Variants in C15orf40 observed in about 807,000 individuals in gnomAD.
C15orf40 encodes chromosome 15 open reading frame 40, also known as UPF0235 protein C15orf40.
A neutral mutation model predicts 13.9 loss-of-function variants in C15orf40; 9 were observed. That is an observed-to-expected ratio of 0.65 (90% CI 0.39 to 1.13). The LOEUF (loss-of-function observed/expected upper bound fraction) is 1.13. Ranked by LOEUF, C15orf40 falls within the 50% of genes most tolerant of loss-of-function variation. The probability of loss-of-function intolerance (pLI) is 0.01; values close to 1 mark genes in which losing one functional copy is unlikely to be tolerated. For missense variants in C15orf40, 225 were observed against 188.5 expected (o/e 1.19, Z -1.13); for synonymous variants, 95 against 69.2 (o/e 1.37, Z -1.85).
At chr15:82,992,377 A>T (rs2030898796), downstream of C15orf40, among the ~76,000 whole-genome samples, 1 of 152,090 alleles carries the variant, frequency 6.6e-6, no homozygotes, top group African/African-American at 2.4e-5. Context: ...TTAGCCAGGC[A>T]TGGTGGCGGA....
At chr15:83,006,983 T>C (rs2031721892) in intron 3 of C15orf40, among the ~76,000 whole-genome samples, 3 of 152,178 alleles carry the variant, frequency 2.0e-5, no homozygotes. Flanking sequence ...TGTTAATCAA[T>C]GACTGTGAAT....
At chr15:82,991,586 C>A (rs1480937130), downstream of C15orf40, among the ~76,000 whole-genome samples, 1 of 152,100 alleles carries the variant, frequency 6.6e-6, no homozygotes, top group Non-Finnish European at 1.5e-5. Context: ...ATTTTTAATG[C>A]CTTCTCTCTT....
rs1006749061 is a variant in C15orf40, at chr15:83,008,666, G to C, written c.248C>G (p.Ala83Gly). ...TGCAATAGCTACATTTACAGCCTCT[G>C]CTGTCAAATCTGGAATGAAAATAGT... is the stretch of plus-strand genomic sequence containing the variant. ...SKQNAVTDLT[A>G]EAVNVAIAAP... Residue 83 changes from alanine to glycine, a missense_variant, in exon 3 of 4, where the codon GCA (alanine) becomes GGA (glycine). By Grantham distance (60) the Ala-to-Gly change is moderately conservative (BLOSUM62 0). Coordinates refer to ENST00000304177, the MANE Select transcript of C15orf40 (RefSeq NM_144597.3). The C allele has an allele frequency of 1.2e-6, 2 of 1,604,296 alleles. No individual in the cohort carries two copies. Among genetic ancestry groups the C allele is most frequent in the South Asian group, 1.1e-5 (1 of 88,890 alleles).
Position 83,008,606 on chromosome 15 carries a change from A to G in C15orf40, c.308T>C (p.Leu103Pro), listed in dbSNP as rs2031827832. The change falls in exon 3 of 4, where the codon CTC (leucine) becomes CCC (proline). Residue 103 changes from leucine (L) to proline (P), a missense_variant. By Grantham distance (98) the Leu-to-Pro change is moderately conservative (BLOSUM62 -3). Coordinates refer to ENST00000304177, the MANE Select transcript of C15orf40 (RefSeq NM_144597.3). ...TAGGACCTTGGAAAGATACCGACAG[A>G]GCTCAGCATTAGCCTCTCCCTCTGA... ...PPSEGEANAELCRYLSKVLEL... is the reference protein window; with the variant it reads ...PPSEGEANAEPCRYLSKVLEL... 6.2e-7 allele frequency: 1 copy of G among 1,614,072 alleles called. No homozygotes were observed. The highest frequency in any genetic ancestry group is 1.1e-5 in the South Asian group (1 of 91,070).
rs1331027790 is a variant in C15orf40, at chr15:83,001,193, C to T, written c.*4404G>A. Reference sequence around the variant, plus strand: ...TAACCGAGAGGAAAGTGTGGAATGGCTCACAGAAATCAGAAGTCTGAAATC... The same window carrying T: ...TAACCGAGAGGAAAGTGTGGAATGGTTCACAGAAATCAGAAGTCTGAAATC... On this transcript the variant is annotated 3_prime_UTR_variant, in exon 4 of 4. Coordinates refer to ENST00000304177, the MANE Select transcript of C15orf40 (RefSeq NM_144597.3). The T allele has an allele frequency of 4.1e-6, 4 of 985,332 alleles. No homozygotes were observed. The highest frequency in any genetic ancestry group is 4.8e-6 in the Non-Finnish European group (4 of 829,968). 61.0% of individuals were successfully genotyped at this position (985,332 alleles called of 1,614,324 possible).
At chr15:83,006,259 T>C in intron 3 of C15orf40, 1 of 577,210 alleles carries the variant, frequency 1.7e-6, no homozygotes, top group African/African-American at 2.0e-5. Context: ...AAAAATGATA[T>C]TCTAGTCTCA....
chr15:82,992,585 T>C (rs2030908401), downstream of C15orf40, among the ~76,000 whole-genome samples: 2 of 152,060 alleles, frequency 1.3e-5, no homozygotes, highest in Admixed American at 1.3e-4. Flanking sequence ...GTTGGGACAG[T>C]ATAGCTGACT....
intron 3 of C15orf40, among the ~76,000 whole-genome samples, chr15:83,005,954 A>G (rs113920776): frequency 0.049 from 7,489 of 152,240 alleles, 368 homozygotes; most frequent in African/African-American, 0.13. Flanking sequence ...AAAATGGGCC[A>G]GGCGCGGTGG....
At chr15:82,990,521 C>T, downstream of C15orf40, 1 of 715,864 alleles carries the variant, frequency 1.4e-6, no homozygotes, top group South Asian at 1.9e-5. Context: ...ATAACATCAG[C>T]AGTTGAAAGG....
At chr15:82,994,490 T>A (rs1216355699), downstream of C15orf40, among the ~76,000 whole-genome samples, 5 of 152,214 alleles carry the variant, frequency 3.3e-5, no homozygotes, top group African/African-American at 4.8e-5. Context: ...CGTAGACTGT[T>A]GACTTCTTCT....
Position 83,008,990 on chromosome 15 carries a change from C to A in C15orf40, c.239-315G>T, listed in dbSNP as rs573963055. Among the ~76,000 whole-genome samples, 41 of 152,190 alleles carry A rather than the reference C, an allele frequency of 2.7e-4. 1 individual carries two copies. The highest frequency in any genetic ancestry group is 9.6e-4 in the African/African-American group (40 of 41,526). On this transcript the variant is annotated intron_variant, in intron 2 of 3. Transcript: ENST00000304177. ...GAAATTGCCCTTGGTATGTGAAGAG[C>A]CCCAGGCAGGGAGTCATAGATGGCC... is the stretch of plus-strand genomic sequence containing the variant.
chr15:83,008,483 C>T, intron 3 of C15orf40, 65 bp downstream of exon 3: 3 of 1,551,260 alleles, frequency 1.9e-6, no homozygotes, highest in Non-Finnish European at 2.6e-6. Context: ...TACGCCACTG[C>T]ACTCCAGCTT....
At position 82,998,393 on chromosome 15, in the gene C15orf40, AG is replaced by A. The variant is rs1484141101; in HGVS notation, c.*7203del. The A allele has an allele frequency of 9.3e-6, 1 of 107,406 alleles. No homozygotes were observed. Among genetic ancestry groups the A allele is most frequent in the African/African-American group, 3.9e-5 (1 of 25,574 alleles). The allele number at this position is 107,406 out of a possible 1,614,324, so 6.7% of individuals were successfully genotyped here. A position where few individuals can be genotyped will look rare whatever the true frequency, so the allele number is the denominator to read the frequency against. On this transcript the variant is annotated 3_prime_UTR_variant, in exon 4 of 4. Transcript: ENST00000304177. ...CTCAGATGGGGCAGCTGCCGGGCGG[AG>A]GGGCTCCTCACTTCTCAGACGGGGT...
Position 83,008,538 on chromosome 15 carries a change from C to T in C15orf40, c.366+10G>A, listed in dbSNP as rs941293498. ...TGTCTCAAAAAAAAAAAAAAGAGAG[C>T]GAGACCTACCTTATCCAAAACCACA... On this transcript the variant is annotated intron_variant, in intron 3 of 3. Coordinates refer to ENST00000304177, the MANE Select transcript of C15orf40 (RefSeq NM_144597.3). The T allele has an allele frequency of 1.3e-5, 21 of 1,610,062 alleles. No homozygotes were observed. The highest frequency in any genetic ancestry group is 2.7e-5 in the African/African-American group (2 of 74,736).
Position 82,995,029 on chromosome 15 carries a change from T to C in C15orf40, c.*10568A>G, listed in dbSNP as rs2151274330. 1 of 152,342 alleles carries C rather than the reference T, an allele frequency of 6.6e-6. No homozygotes were observed. The highest frequency in any genetic ancestry group is 2.4e-5 in the African/African-American group (1 of 41,588). 9.4% of individuals were successfully genotyped at this position (152,342 alleles called of 1,614,324 possible). A position where few individuals can be genotyped will look rare whatever the true frequency, so the allele number is the denominator to read the frequency against. ...AAGATTTCTCCTGACATCTGCTGTA[T>C]TAAATTATTATAGAATGAAATAAAC... On this transcript the variant is annotated 3_prime_UTR_variant, in exon 4 of 4. Coordinates refer to ENST00000304177, the MANE Select transcript of C15orf40 (RefSeq NM_144597.3).
downstream of C15orf40, among the ~76,000 whole-genome samples, chr15:82,991,668 A>T (rs879618538): frequency 1.5e-4 from 23 of 151,986 alleles, no homozygotes; most frequent in Admixed American, 5.9e-4. Flanking sequence ...TCTCCCTTTT[A>T]TTCTCCCTTC....
At chr15:83,011,456 C>T in intron 1 of C15orf40, 41 bp downstream of exon 1, 1 of 1,569,980 alleles carries the variant, frequency 6.4e-7, no homozygotes, top group African/African-American at 1.4e-5. Context: ...ACAAGTACCC[C>T]TGAGGCCCAC....
intron 2 of C15orf40, among the ~76,000 whole-genome samples, chr15:83,009,527 G>GA (rs1156321350): frequency 6.6e-6 from 1 of 152,232 alleles, no homozygotes; most frequent in Non-Finnish European, 1.5e-5. Context: ...CAGAGCTTTA[G>GA]AGGTGAAAAA....
rs1416594720 is a variant in C15orf40, at chr15:83,005,262, A to C, written c.*335T>G. Reference sequence around the variant, plus strand: ...GCCTCTTCACCATTAGCAATAAAAAAGTTTCTCAAGGATGTATTTTTTATT... The same window carrying C: ...GCCTCTTCACCATTAGCAATAAAAACGTTTCTCAAGGATGTATTTTTTATT... On this transcript the variant is annotated 3_prime_UTR_variant, in exon 4 of 4. Transcript: ENST00000304177. The C allele has an allele frequency of 5.9e-6, 6 of 1,011,928 alleles. No individual in the cohort carries two copies. The Admixed American group carries it at 1.7e-4, about 28-fold the overall frequency. 62.7% of individuals were successfully genotyped at this position (1,011,928 alleles called of 1,614,324 possible).
Sources: allele counts gnomAD v4.1 joint callset (sites outside exome capture counted in the v4.1 genomes callset), GRCh38; gene constraint gnomAD v4.1.1; transcripts MANE v1.5; gene names NCBI Gene and HGNC (gene_info 2026-07-23, HGNC 2026-07-21).